The following RAP1GAP variants were observed in gnomAD, a reference collection of about 807,000 sequenced individuals.
RAP1GAP encodes rap1 GTPase-activating protein 1.
RAP1GAP carries 35 observed loss-of-function variants against 87.2 expected under a neutral mutation model. The observed-to-expected ratio is 0.40, with a 90% confidence interval of 0.31 to 0.53. The LOEUF (loss-of-function observed/expected upper bound fraction) is 0.53. Among genes scored for constraint, RAP1GAP ranks in the 20% least tolerant of loss-of-function variants. RAP1GAP has a pLI of 0.48. For synonymous variants in RAP1GAP, 375 were observed against 363.9 expected (o/e 1.03, Z -0.35); for missense variants, 734 against 898.9 (o/e 0.82, Z 2.35).
chr1:21,639,254 C>A lies in RAP1GAP; in HGVS notation c.-113+10507G>T, dbSNP rs541107591. On this transcript the variant is annotated intron_variant, in intron 2 of 24. Transcript: ENST00000374765. ...CCCCAGAAGCCTCAGGGTCACCAGG[C>A]AGGTGGGCACGTCCCAGCCCAGGCC... Among the ~76,000 whole-genome samples, 4 of 152,356 alleles carry A rather than the reference C, an allele frequency of 2.6e-5. No individual in the cohort carries two copies. In the East Asian group the frequency reaches 7.7e-4, roughly 29 times the overall value.
In RAP1GAP at chr1:21,608,356, G is replaced by A. The variant is rs1182015934; in HGVS notation, c.1159-6C>T. ...AGGGCGGCCCGCGTCCGCTCCTGTG[G>A]GCCAGGCCCGGGCCGTCAGGAGGGA... On this transcript the variant is annotated splice_region_variant and splice_polypyrimidine_tract_variant and intron_variant, in intron 16 of 24. Coordinates refer to ENST00000374765, the MANE Select transcript of RAP1GAP (RefSeq NM_002885.4). 1 of 1,611,816 alleles carries A rather than the reference G, an allele frequency of 6.2e-7. No individual in the cohort carries two copies. Among genetic ancestry groups the A allele is most frequent in the East Asian group, 2.2e-5 (1 of 44,822 alleles).
chr1:21,604,155 C>A (rs746842432), intron 18 of RAP1GAP, among the ~76,000 whole-genome samples: 4 of 151,722 alleles, frequency 2.6e-5, no homozygotes, highest in Admixed American at 1.3e-4. Context: ...GACAGTTACC[C>A]GGAGACAGGG....
rs1418909635 is a variant in RAP1GAP, at chr1:21,665,381, G to A, written c.-149+3873C>T. ...ACCTCCTCATCTGACACAAAGCACC[G>A]GGCTGTGGCAGGGACCACAGGACCC... On this transcript the variant is annotated intron_variant, in intron 1 of 24. Coordinates refer to ENST00000374765, the MANE Select transcript of RAP1GAP (RefSeq NM_002885.4). 19 of 379,932 alleles carry A rather than the reference G, an allele frequency of 5.0e-5. 1 individual carries two copies. The highest frequency in any genetic ancestry group is 7.4e-4 in the Middle Eastern group (2 of 2,714). The allele number at this position is 379,932 out of a possible 1,614,324, so 23.5% of individuals were successfully genotyped here. A position where few individuals can be genotyped will look rare whatever the true frequency, so the allele number is the denominator to read the frequency against.
intron 1 of RAP1GAP, among the ~76,000 whole-genome samples, chr1:21,656,019 G>A (rs1020489993): frequency 3.9e-5 from 6 of 152,358 alleles, no homozygotes; most frequent in South Asian, 4.1e-4. Context: ...GAGAGGAGGC[G>A]TCTGGGCTTC....
At chr1:21,605,850 G>GGGCTGCA (rs2074101929) in intron 18 of RAP1GAP, among the ~76,000 whole-genome samples, 1 of 152,212 alleles carries the variant, frequency 6.6e-6, no homozygotes, top group Non-Finnish European at 1.5e-5. Flanking sequence ...GCTTGGGAAG[G>GGGCTGCA]GGCTGCAGGC....
intron 2 of RAP1GAP, among the ~76,000 whole-genome samples, chr1:21,632,317 C>G (rs937632098): frequency 6.6e-6 from 1 of 152,212 alleles, no homozygotes; most frequent in Non-Finnish European, 1.5e-5. Context: ...CCTCCCTTAT[C>G]TCTGCATCGA....
chr1:21,665,079 G>A (rs1051155961), intron 1 of RAP1GAP: 4 of 306,276 alleles, frequency 1.3e-5, no homozygotes, highest in Non-Finnish European at 2.7e-5. Flanking sequence ...GAATGCCTAG[G>A]ATAAGCTGGG....
chr1:21,627,201 T>G (rs2092471645), intron 2 of RAP1GAP, among the ~76,000 whole-genome samples: 1 of 152,198 alleles, frequency 6.6e-6, no homozygotes, highest in South Asian at 2.1e-4. Flanking sequence ...TGGCTTCCGC[T>G]GCTGCCTAGG....
At chr1:21,602,960 A>G (rs779217415) in intron 18 of RAP1GAP, 47 bp from the exon 19 acceptor site, 15 of 1,386,030 alleles carry the variant, frequency 1.1e-5, no homozygotes, top group African/African-American at 2.1e-5. Flanking sequence ...TGGGAGCCCC[A>G]GTGCCCCCCC....
intron 1 of RAP1GAP, among the ~76,000 whole-genome samples, chr1:21,663,325 G>A (rs1048081871): frequency 2.6e-5 from 4 of 152,208 alleles, no homozygotes; most frequent in African/African-American, 4.8e-5. Flanking sequence ...ATGGCATCCT[G>A]AGCCTGCTGC....
rs1328623964 is a variant in RAP1GAP, at chr1:21,668,873, G to A, written c.-149+381C>T. Among the ~76,000 whole-genome samples the A allele has an allele frequency of 6.6e-6, 1 of 151,186 alleles. No homozygotes were observed. Among genetic ancestry groups the A allele is most frequent in the Non-Finnish European group, 1.5e-5 (1 of 67,696 alleles). Reference sequence around the variant, plus strand: ...CTTGGGCCCCTCCCCAGGGATGGAGGAAACGCGCCCACTTCCCACAGTCCC... The same window carrying A: ...CTTGGGCCCCTCCCCAGGGATGGAGAAAACGCGCCCACTTCCCACAGTCCC... On this transcript the variant is annotated intron_variant, in intron 1 of 24. Transcript: ENST00000374765. This position sits in a 1 kb window ranked among gnomAD's most constrained non-coding sequence, Gnocchi z 6.2.
chr1:21,607,095 G>A (rs72660315), intron 17 of RAP1GAP, among the ~76,000 whole-genome samples: 5,348 of 152,284 alleles, frequency 0.035, 141 homozygotes, highest in Non-Finnish European at 0.053. Context: ...ACCTGTCCTG[G>A]GTTGAGGGTG....
Position 21,610,178 on chromosome 1 carries a change from A to G in RAP1GAP, c.941T>C (p.Leu314Pro). 6.2e-7 allele frequency: 1 copy of G among 1,614,150 alleles called. No individual in the cohort carries two copies. The highest frequency in any genetic ancestry group is 8.5e-7 in the Non-Finnish European group (1 of 1,180,014). ...FVPDMIASNF[L>P]HAYVVVQAEG... is the part of the protein sequence containing the mutation. ...AGCCTGCACCACGACGTAGGCATGC[A>G]GGAAGTTGGACGCGATCATGTCGGG... The change falls in exon 14 of 25, where the codon CTG becomes CCG. Residue 314 changes from leucine to proline, a missense_variant. Around this residue, in one of 2 missense-constraint regions of RAP1GAP, gnomAD observed 485 missense variants for 646.2 expected, o/e 0.75. Transcript: ENST00000374765.
At chr1:21,599,693 C>CA (rs1257960186) in intron 20 of RAP1GAP, 76 bp from the exon 21 acceptor site, 2 of 1,536,364 alleles carry the variant, frequency 1.3e-6, no homozygotes, top group Non-Finnish European at 1.7e-6. Context: ...CCCTTGCCCT[C>CA]CCCAACCCGG....
Position 21,660,339 on chromosome 1 carries a change from C to CTATTTATATA in RAP1GAP, c.-149+8914_-149+8915insTATATAAATA, listed in dbSNP as rs563814821. 4.0e-4 allele frequency among the ~76,000 whole-genome samples: 21 copies of CTATTTATATA among 52,846 alleles called. 1 individual carries two copies. The highest frequency in any genetic ancestry group is 1.0e-3 in the African/African-American group (19 of 18,140). The allele number at this position is 52,846 out of a possible 152,430, so 34.7% of individuals were successfully genotyped here. Reference sequence around the variant, plus strand: ...CTGGACAGAGTGGGTTCCAACTCAGCTATATATATTTATTGAGACAGTCTC... The same window carrying CTATTTATATA: ...CTGGACAGAGTGGGTTCCAACTCAGCTATTTATATATATATATATTTATTGAGACAGTCTC... On this transcript the variant is annotated intron_variant, in intron 1 of 24. Coordinates refer to ENST00000374765, the MANE Select transcript of RAP1GAP (RefSeq NM_002885.4).
chr1:21,610,400 A>G (rs1299709544), intron 13 of RAP1GAP, 125 bp from the exon 14 acceptor site: 1 of 1,010,442 alleles, frequency 9.9e-7, no homozygotes, highest in Non-Finnish European at 1.5e-6. Flanking sequence ...TGCTTTCCCC[A>G]AAATAATGTA....
At chr1:21,617,261 T>C (rs1400609719) in intron 7 of RAP1GAP, 45 bp downstream of exon 7, 2 of 1,545,294 alleles carry the variant, frequency 1.3e-6, no homozygotes, top group Admixed American at 3.9e-5. Flanking sequence ...GGGGCTGAAC[T>C]GTGACCCACC....
At chr1:21,633,908 G>C (rs1394447107) in intron 2 of RAP1GAP, among the ~76,000 whole-genome samples, 1 of 152,124 alleles carries the variant, frequency 6.6e-6, no homozygotes, top group Non-Finnish European at 1.5e-5. Context: ...AGTGAGAAGA[G>C]GGCTGTGGAG....
intron 1 of RAP1GAP, among the ~76,000 whole-genome samples, chr1:21,660,347 A>ATATATATATATATATATATATATG (rs1558925457): frequency 8.9e-6 from 1 of 112,128 alleles, no homozygotes; most frequent in Non-Finnish European, 1.9e-5. Flanking sequence ...AGCTATATAT[A>ATATATATATATATATATATATATG]TTTATTGAGA....
Sources: gnomAD v4.1 joint callset for allele counts (sites outside exome capture counted in the v4.1 genomes callset) on GRCh38, gnomAD v4.1.1 for gene constraint, gnomAD v4.1.1 regional missense constraint, Gnocchi (gnomAD v3.1) non-coding constraint, MANE v1.5 for transcripts, NCBI Gene and HGNC (gene_info 2026-07-23, HGNC 2026-07-21) for gene names.